COP1: variants seen among roughly 807,000 people sequenced by gnomAD.
COP1 encodes the protein COP1 E3 ubiquitin ligase.
Under a neutral mutation model 101.3 loss-of-function variants are expected in COP1, and 24 were observed. The observed-to-expected ratio is 0.24, with a 90% CI of 0.17 to 0.33. COP1 has a LOEUF of 0.33. COP1 is among the 10% of genes least tolerant of loss of function. The pLI is 1.00. For missense variants in COP1, 663 were observed against 906.2 expected (o/e 0.73, Z 3.45); for synonymous variants, 347 against 341.9 (o/e 1.01, Z -0.17).
At chr1:176,018,791 G>T (rs1666128409) in intron 15 of COP1, 1 of 152,166 alleles carries the variant, frequency 6.6e-6, no homozygotes. Context: ...AGAATCACTT[G>T]AGTCTGGAAG....
intron 8 of COP1, among the ~76,000 whole-genome samples, chr1:176,117,352 G>T (rs1047857318): frequency 2.6e-5 from 4 of 151,730 alleles, no homozygotes; most frequent in Admixed American, 2.6e-4. Flanking sequence ...TTCTCCATTG[G>T]TTCTTTTTAT....
chr1:176,094,526 A>G (rs1026060582), intron 9 of COP1, among the ~76,000 whole-genome samples: 2 of 152,094 alleles, frequency 1.3e-5, no homozygotes, highest in African/African-American at 4.8e-5. Context: ...TAAATACGAC[A>G]CAAATCAAAC....
intron 9 of COP1, among the ~76,000 whole-genome samples, chr1:176,104,948 T>C (rs965201305): frequency 6.6e-6 from 1 of 152,198 alleles, no homozygotes; most frequent in Non-Finnish European, 1.5e-5. Context: ...ACAAGTTTCA[T>C]GCAGCTGTAA....
At chr1:176,095,302 C>T (rs941740958) in intron 9 of COP1, among the ~76,000 whole-genome samples, 1 of 152,088 alleles carries the variant, frequency 6.6e-6, no homozygotes, top group Non-Finnish European at 1.5e-5. Flanking sequence ...TAGTGTGATC[C>T]CCAAAATGTG....
intron 3 of COP1, 44 bp from the exon 4 acceptor site, chr1:176,163,935 T>C (rs1223642741): frequency 3.0e-6 from 4 of 1,333,248 alleles, no homozygotes; most frequent in African/African-American, 1.5e-5. Flanking sequence ...ATTTGTATTT[T>C]TGTTAAATGT....
intron 6 of COP1, among the ~76,000 whole-genome samples, chr1:176,138,992 T>C (rs893355033): frequency 3.3e-5 from 5 of 152,082 alleles, no homozygotes; most frequent in Non-Finnish European, 7.4e-5. Context: ...TTTAGAATAA[T>C]TGCTTTAAAA....
chr1:176,151,399 AAGAAAG>A (rs1434249961), intron 5 of COP1, among the ~76,000 whole-genome samples: 1 of 146,158 alleles, frequency 6.8e-6, no homozygotes, highest in African/African-American at 2.5e-5. Context: ...GAAAGAAAGA[AAGAAAG>A]AAAGAAAGAA....
intron 6 of COP1, among the ~76,000 whole-genome samples, chr1:176,147,178 C>T (rs1691696064): frequency 6.6e-6 from 1 of 152,028 alleles, no homozygotes; most frequent in Non-Finnish European, 1.5e-5. Context: ...GTCCTAAGAC[C>T]TGTAACAATT....
At chr1:176,078,618 C>CAAAAAAA (rs71129549) in intron 11 of COP1, among the ~76,000 whole-genome samples, 1 of 143,844 alleles carries the variant, frequency 7.0e-6, no homozygotes. Context: ...AAAGCAATTG[C>CAAAAAAA]AAAAAAAAAA....
At chr1:176,139,279 C>CA (rs201417535) in intron 6 of COP1, among the ~76,000 whole-genome samples, 3,495 of 124,888 alleles carry the variant, frequency 0.028, 110 homozygotes, top group African/African-American at 0.1. Context: ...AAAACAAAAA[C>CA]AAAAAAAACA....
intron 14 of COP1, among the ~76,000 whole-genome samples, chr1:176,038,025 G>T (rs1177791517): frequency 1.3e-5 from 2 of 152,164 alleles, no homozygotes; most frequent in East Asian, 3.8e-4. Flanking sequence ...TGACGTAATT[G>T]GCTATGTAGA....
At chr1:176,151,365 G>GAA (rs1254937105) in intron 5 of COP1, among the ~76,000 whole-genome samples, 31 of 77,806 alleles carry the variant, frequency 4.0e-4, no homozygotes, top group African/African-American at 9.7e-4. Flanking sequence ...AAGAAAGAAA[G>GAA]AAAGAAAGAA....
In COP1 at chr1:176,070,419, T is replaced by C. The variant is rs539837571; in HGVS notation, c.1277+10733A>G. ...GGCTAACACCTGTAATCCCAGCACT[T>C]TGGGAGGCCGAGGTGGGTGGATCCC... On this transcript the variant is annotated intron_variant, in intron 11 of 19. Coordinates refer to ENST00000367669, the MANE Select transcript of COP1 (RefSeq NM_022457.7). Among the ~76,000 whole-genome samples, 102 of 151,904 alleles carry C rather than the reference T, an allele frequency of 6.7e-4. 3 individuals carry two copies. Among genetic ancestry groups the C allele is most frequent in the African/African-American group, 2.4e-3 (99 of 41,416 alleles).
intron 16 of COP1, chr1:175,989,042 T>G: frequency 5.0e-6 from 1 of 199,152 alleles, no homozygotes; most frequent in Non-Finnish European, 1.0e-5. Flanking sequence ...ATGTTGTTTA[T>G]CTCTTCTTTA....
chr1:176,065,525 C>G (rs1255211429), intron 11 of COP1, among the ~76,000 whole-genome samples: 1 of 152,104 alleles, frequency 6.6e-6, no homozygotes, highest in African/African-American at 2.4e-5. Flanking sequence ...GGGATCAAAA[C>G]TTGCCACCCC....
At chr1:176,096,579 A>G (rs978237109) in intron 9 of COP1, among the ~76,000 whole-genome samples, 3 of 152,222 alleles carry the variant, frequency 2.0e-5, no homozygotes, top group African/African-American at 7.2e-5. Context: ...ACCCATTTGT[A>G]TAAGAATAAG....
At chr1:176,205,997 G>A (rs580978) in intron 1 of COP1, among the ~76,000 whole-genome samples, 114,271 of 152,124 alleles carry the variant, frequency 0.75, 44,857 homozygotes, top group East Asian at 0.92. Context: ...CCTTTGAAAT[G>A]GAAGAAGATA....
intron 6 of COP1, among the ~76,000 whole-genome samples, chr1:176,139,840 C>T (rs1272534156): frequency 6.6e-6 from 1 of 152,172 alleles, no homozygotes; most frequent in Non-Finnish European, 1.5e-5. Context: ...GAACTAACTG[C>T]TGAGTACTAT....
At chr1:176,049,178 C>CAAAAAAAAAAAAAA (rs61267982) in intron 11 of COP1, among the ~76,000 whole-genome samples, 24 of 118,332 alleles carry the variant, frequency 2.0e-4, no homozygotes, top group Admixed American at 3.4e-4. Context: ...GACTCCGTCT[C>CAAAAAAAAAAAAAA]AAAAAAAAAA....
Sources: gnomAD v4.1 joint callset for allele counts (sites outside exome capture counted in the v4.1 genomes callset) on GRCh38, gnomAD v4.1.1 for gene constraint, MANE v1.5 for transcripts, NCBI Gene and HGNC (gene_info 2026-07-23, HGNC 2026-07-21) for gene names.